The following IQCM variants were observed in gnomAD, a reference collection of about 807,000 sequenced individuals.
IQCM encodes IQ motif containing M.
A neutral mutation model predicts 57.6 loss-of-function variants in IQCM; 45 were observed. The observed-to-expected ratio is 0.78, with a 90% CI of 0.62 to 1.00. The LOEUF is 1.00. IQCM is among the 50% of genes least tolerant of loss of function. The pLI, the probability that IQCM is intolerant of heterozygous loss-of-function variation, is 0.00. For missense variants in IQCM, 468 were observed against 511.6 expected (o/e 0.91, Z 0.82); for synonymous variants, 148 against 158.9 (o/e 0.93, Z 0.51).
At chr4:149,517,652 ATTAACAT>A (rs893879220) in intron 12 of IQCM, among the ~76,000 whole-genome samples, 1 of 152,162 alleles carries the variant, frequency 6.6e-6, no homozygotes, top group Non-Finnish European at 1.5e-5. Flanking sequence ...GCCAAAGGAG[ATTAACAT>A]TTGAGTCAGT....
chr4:149,498,805 G>A (rs892763402), intron 12 of IQCM, among the ~76,000 whole-genome samples: 2 of 152,132 alleles, frequency 1.3e-5, no homozygotes, highest in African/African-American at 4.8e-5. Context: ...CACAGGCCAT[G>A]CTCACTTTCC....
At chr4:149,730,977 G>C (rs965113228) in intron 5 of IQCM, among the ~76,000 whole-genome samples, 2 of 152,038 alleles carry the variant, frequency 1.3e-5, no homozygotes, top group African/African-American at 4.8e-5. Context: ...CAATCTTCAC[G>C]TACCTCTCAA....
chr4:149,764,287 C>T (rs1317450958), intron 2 of IQCM, among the ~76,000 whole-genome samples: 1 of 152,168 alleles, frequency 6.6e-6, no homozygotes, highest in African/African-American at 2.4e-5. Context: ...CTTAAACCCC[C>T]TCCCTAGGGA....
intron 13 of IQCM, among the ~76,000 whole-genome samples, chr4:149,433,018 C>T (rs1406207694): frequency 1.3e-5 from 2 of 151,952 alleles, no homozygotes; most frequent in African/African-American, 4.8e-5. Context: ...CATATCTCTG[C>T]AGTTGGTGGT....
At chr4:149,676,809 C>T (rs1483126429) in intron 7 of IQCM, among the ~76,000 whole-genome samples, 1 of 151,910 alleles carries the variant, frequency 6.6e-6, no homozygotes, top group Non-Finnish European at 1.5e-5. Flanking sequence ...AAGAATAATT[C>T]TTTATTCTAA....
chr4:149,398,110 T>C (rs1317543714), intron 13 of IQCM, among the ~76,000 whole-genome samples: 1 of 152,034 alleles, frequency 6.6e-6, no homozygotes, highest in Non-Finnish European at 1.5e-5. Flanking sequence ...TTGTTTTGAA[T>C]ATGGTTATCC....
At chr4:149,463,210 A>G (rs1738492376) in intron 12 of IQCM, among the ~76,000 whole-genome samples, 1 of 152,216 alleles carries the variant, frequency 6.6e-6, no homozygotes, top group Non-Finnish European at 1.5e-5. Context: ...AGTCGTGAAG[A>G]CAAATGATGA....
rs190421666 is a variant in IQCM at position 149,539,507 on chromosome 4, A to G, written c.1228+8948T>C. Among the ~76,000 whole-genome samples, 342 of 152,284 alleles carry G rather than the reference A, an allele frequency of 2.2e-3. 1 individual carries two copies. The highest frequency in any genetic ancestry group is 4.1e-3 in the Non-Finnish European group (279 of 68,012). Reference sequence around the variant, plus strand: ...AATGCACATTTACTAAAAATCATTTAACTGAATCCTTACAATGGGTGAATT... The same window carrying G: ...AATGCACATTTACTAAAAATCATTTGACTGAATCCTTACAATGGGTGAATT... On this transcript the variant is annotated intron_variant, in intron 12 of 13. Transcript: ENST00000636793.
chr4:149,502,869 A>T (rs1184297692), intron 12 of IQCM, among the ~76,000 whole-genome samples: 1 of 152,116 alleles, frequency 6.6e-6, no homozygotes, highest in Non-Finnish European at 1.5e-5. Context: ...AAAGGCTAGA[A>T]AATCAGTATC....
chr4:149,581,436 C>A (rs184901947), intron 9 of IQCM, among the ~76,000 whole-genome samples: 100 of 151,440 alleles, frequency 6.6e-4, no homozygotes, highest in African/African-American at 2.3e-3. Context: ...CTTCTATGCC[C>A]AGAATCCCTG....
chr4:149,424,947 C>G (rs763175825), intron 13 of IQCM, among the ~76,000 whole-genome samples: 1 of 151,868 alleles, frequency 6.6e-6, no homozygotes, highest in Non-Finnish European at 1.5e-5. Context: ...TCCATCAAAA[C>G]AAAGCATATT....
chr4:149,607,101 C>T (rs1479659042), intron 8 of IQCM, among the ~76,000 whole-genome samples: 3 of 151,618 alleles, frequency 2.0e-5, no homozygotes, highest in Non-Finnish European at 2.9e-5. Context: ...GTAAGACTAC[C>T]ACAAGGCATA....
At chr4:149,606,872 AAG>A (rs1194501812) in intron 8 of IQCM, among the ~76,000 whole-genome samples, 3 of 152,160 alleles carry the variant, frequency 2.0e-5, no homozygotes, top group Non-Finnish European at 2.9e-5. Context: ...AAAGAGAAAA[AAG>A]AGAAAAAAAT....
intron 2 of IQCM, among the ~76,000 whole-genome samples, chr4:149,767,813 C>A (rs1770199493): frequency 6.6e-6 from 1 of 152,020 alleles, no homozygotes; most frequent in African/African-American, 2.4e-5. Context: ...TAATTGCAAT[C>A]CCTATGCGTA....
rs1767576166 is a variant in IQCM at position 149,742,750 on chromosome 4, G to A, written c.-48-11C>T. 9.7e-7 allele frequency: 1 copy of A among 1,030,426 alleles called. No individual in the cohort carries two copies. Among genetic ancestry groups the A allele is most frequent in the South Asian group, 4.9e-5 (1 of 20,312 alleles). 63.8% of individuals were successfully genotyped at this position (1,030,426 alleles called of 1,614,324 possible). On this transcript the variant is annotated splice_polypyrimidine_tract_variant and intron_variant, in intron 2 of 13. Transcript: ENST00000636793. ...TGTGAGCTCCAAGTCCTTAAACACA[G>A]TTACATTAAGTAATTCAGTGATGAT...
intron 13 of IQCM, among the ~76,000 whole-genome samples, chr4:149,379,564 G>A (rs912094950): frequency 6.6e-6 from 1 of 152,124 alleles, no homozygotes; most frequent in African/African-American, 2.4e-5. Context: ...TAGCCCCTTT[G>A]CTTTGGCCAA....
At chr4:149,522,407 A>G (rs950807680) in intron 12 of IQCM, among the ~76,000 whole-genome samples, 1 of 152,238 alleles carries the variant, frequency 6.6e-6, no homozygotes, top group Non-Finnish European at 1.5e-5. Flanking sequence ...GGCTCCTATC[A>G]GAATAGAAGA....
chr4:149,578,381 A>T (rs1344310722), intron 9 of IQCM, among the ~76,000 whole-genome samples: 1 of 151,724 alleles, frequency 6.6e-6, no homozygotes, highest in Non-Finnish European at 1.5e-5. Flanking sequence ...ATTACCATTG[A>T]GGTCAACTGA....
intron 2 of IQCM, among the ~76,000 whole-genome samples, chr4:149,774,414 T>C (rs1252678265): frequency 6.6e-6 from 1 of 152,066 alleles, no homozygotes; most frequent in Non-Finnish European, 1.5e-5. Context: ...AACCTCTATT[T>C]CCTTTAAAAA....
Sources: gnomAD v4.1 joint callset for allele counts (sites outside exome capture counted in the v4.1 genomes callset) on GRCh38, gnomAD v4.1.1 for gene constraint, MANE v1.5 for transcripts, NCBI Gene and HGNC (gene_info 2026-07-23, HGNC 2026-07-21) for gene names.